Variants in DENND3 observed in about 807,000 individuals in gnomAD.
The protein encoded by DENND3 is DENN domain-containing protein 3.
A neutral mutation model predicts 135.1 loss-of-function variants in DENND3; 88 were observed. That is an observed-to-expected ratio of 0.65 (90% confidence interval 0.55 to 0.78). The LOEUF is 0.78. Among genes scored for constraint, DENND3 ranks in the 30% least tolerant of loss-of-function variants. DENND3 has a pLI of 0.00. For synonymous variants in DENND3, 693 were observed against 712.3 expected, an observed-to-expected ratio of 0.97 and a Z score of 0.43; for missense variants, 1,392 against 1,688.4, an observed-to-expected ratio of 0.82 and a Z score of 3.08.
At chr8:141,134,606 T>TA (rs1344012561) in intron 1 of DENND3, among the ~76,000 whole-genome samples, 1 of 152,222 alleles carries the variant, frequency 6.6e-6, no homozygotes, top group Non-Finnish European at 1.5e-5. Context: ...TTCCTACTGA[T>TA]ACATTTTTTT....
chr8:141,185,010 T>A (rs1823710930), intron 17 of DENND3, 129 bp from the exon 18 acceptor site: 2 of 1,227,638 alleles, frequency 1.6e-6, no homozygotes, highest in African/African-American at 3.0e-5. Context: ...CACGTCTTTG[T>A]ACGTACAGCA....
Position 141,136,542 on chromosome 8 carries a change from G to A in DENND3, c.136G>A (p.Ala46Thr), listed in dbSNP as rs987112790. The change falls in exon 2 of 23, where the codon GCT becomes ACT. Residue 46 changes from alanine (A) to threonine (T), a missense_variant. Ala to Thr is a moderately conservative substitution (Grantham distance 58). Coordinates refer to ENST00000519811, the MANE Select transcript of DENND3 (RefSeq NM_001352890.3). ...TAAAAAGGGAGTCAAACATCTTTCT[G>A]CTCTTCTTGATCCAGAGGTCCTGTC... ...AYKKGVKHLS[A>T]LLDPEVLSIF... is the part of the protein sequence containing the mutation. 6.4e-7 allele frequency: 1 copy of A among 1,552,602 alleles called. No individual in the cohort carries two copies.
intron 1 of DENND3, among the ~76,000 whole-genome samples, chr8:141,132,421 C>T (rs955849254): frequency 2.6e-5 from 4 of 151,912 alleles, no homozygotes; most frequent in Non-Finnish European, 4.4e-5. Context: ...ACAATGGTGC[C>T]ATCTCGGCTC....
intron 17 of DENND3, among the ~76,000 whole-genome samples, chr8:141,181,940 G>A (rs1221008828): frequency 2.6e-5 from 4 of 151,860 alleles, no homozygotes; most frequent in African/African-American, 4.8e-5. Flanking sequence ...ATCCAGGCAC[G>A]TGCCACCGAA....
At chr8:141,185,544 A>T (rs549827672) in intron 18 of DENND3, 1 of 382,212 alleles carries the variant, frequency 2.6e-6, no homozygotes, top group Admixed American at 3.8e-5. Context: ...CCATCTAAAA[A>T]TAGATTGCAG....
At position 141,141,500 on chromosome 8, in the gene DENND3, A is replaced by G; in HGVS notation, c.623+176A>G. 2 of 650,808 alleles carry G rather than the reference A, an allele frequency of 3.1e-6. No homozygotes were observed. Among genetic ancestry groups the G allele is most frequent in the South Asian group, 1.9e-5 (1 of 51,282 alleles). The allele number at this position is 650,808 out of a possible 1,614,324, so 40.3% of individuals were successfully genotyped here. ...GGAGGGGCAGTTCTCTGTGCCTCTT[A>G]GGCTGTTGCTTAAGGCTGGGGGCAG... On this transcript the variant is annotated intron_variant, in intron 4 of 22. Transcript: ENST00000519811. This position sits in a 1 kb window ranked among gnomAD's most constrained non-coding sequence, Gnocchi z 5.3.
chr8:141,190,256 G>GGT lies in DENND3; in HGVS notation c.3246-15_3246-14dup, dbSNP rs144171689. On this transcript the variant is annotated intron_variant, in intron 19 of 22. Coordinates refer to ENST00000519811, the MANE Select transcript of DENND3 (RefSeq NM_001352890.3). ...AGTGTTTTCAGGGGCCCAAGTTAAA[G>GGT]GTGTGTGTGTGTGTTTTGTGCCCCC... The GGT allele has an allele frequency of 2.3e-4, 355 of 1,541,258 alleles. 2 individuals carry two copies. In the Admixed American group the frequency reaches 5.4e-3, roughly 23 times the overall value.
intron 8 of DENND3, among the ~76,000 whole-genome samples, chr8:141,159,656 T>C (rs979263694): frequency 5.3e-5 from 8 of 152,258 alleles, no homozygotes; most frequent in African/African-American, 1.9e-4. Flanking sequence ...GATCAGTGTA[T>C]GGCATACAGT....
chr8:141,166,733 C>A lies in DENND3; in HGVS notation c.1753+344C>A, dbSNP rs901094541. ...CACACGTGTGATAGGAGGCAGGGAG[C>A]GCACCAGGCACTTTCTAGAGCCGGA... On this transcript the variant is annotated intron_variant, in intron 12 of 22. Transcript: ENST00000519811. This position sits in a 1 kb window ranked among gnomAD's most constrained non-coding sequence, Gnocchi z 4.3. Among the ~76,000 whole-genome samples the A allele has an allele frequency of 2.0e-5, 3 of 152,116 alleles. No homozygotes were observed. The highest frequency in any genetic ancestry group is 4.8e-5 in the African/African-American group (2 of 41,410).
At chr8:141,143,275 ATT>A (rs922067683) in intron 4 of DENND3, among the ~76,000 whole-genome samples, 3 of 151,866 alleles carry the variant, frequency 2.0e-5, no homozygotes, top group Non-Finnish European at 4.4e-5. Flanking sequence ...TTTTTTTTAA[ATT>A]TTTTTTTATT....
rs1819134334 is a variant in DENND3, at chr8:141,154,004, C to G, written c.1075-1845C>G. Among the ~76,000 whole-genome samples the G allele has an allele frequency of 6.6e-6, 1 of 152,182 alleles. No homozygotes were observed. Among genetic ancestry groups the G allele is most frequent in the African/African-American group, 2.4e-5 (1 of 41,440 alleles). On this transcript the variant is annotated intron_variant, in intron 7 of 22. Transcript: ENST00000519811. This position sits in a 1 kb window ranked among gnomAD's most constrained non-coding sequence, Gnocchi z 4.4. ...CTGCAGGAAGGAGCTGGCAGTGACC[C>G]TATGCGCCTCCACCAAACACTTGTG...
In DENND3 at chr8:141,141,168, G is replaced by A. The variant is rs1817406502; in HGVS notation, c.502-35G>A. On this transcript the variant is annotated intron_variant, in intron 3 of 22. Transcript: ENST00000519811. The surrounding 1 kb of genome is among the most constrained non-coding windows in gnomAD (Gnocchi z 5.3). The stretch of plus-strand genomic sequence containing the variant: ...AACAGATACTGGAATTGCCAAGGTG[G>A]GGAGGTGACCATGTCGCTGTTGCTT... The A allele has an allele frequency of 6.2e-7, 1 of 1,613,968 alleles. No individual in the cohort carries two copies.
rs867037720 is a variant in DENND3, at chr8:141,183,756, T to A, written c.2945-1383T>A. Among the ~76,000 whole-genome samples the A allele has an allele frequency of 9.5e-4, 133 of 140,310 alleles. 1 individual carries two copies. Among genetic ancestry groups the A allele is most frequent in the African/African-American group, 3.2e-3 (115 of 36,442 alleles). The allele number at this position is 140,310 out of a possible 152,430, so 92.0% of individuals were successfully genotyped here. On this transcript the variant is annotated intron_variant, in intron 17 of 22. Coordinates refer to ENST00000519811, the MANE Select transcript of DENND3 (RefSeq NM_001352890.3). ...GTTTTGTTTTTTTTTTTTTTTAATT[T>A]AAAAAAAAAAAGAAAAGTTTATGCT...
At position 141,192,430 on chromosome 8, in the gene DENND3, C is replaced by T. The variant is rs762013692; in HGVS notation, c.3479C>T (p.Ala1160Val). 5 of 1,614,106 alleles carry T rather than the reference C, an allele frequency of 3.1e-6. No homozygotes were observed. The highest frequency in any genetic ancestry group is 1.6e-4 in the Middle Eastern group (1 of 6,084). ...AAAGACACCAGTACCTCCTTCCTGGCCTTCCAGCTCCTTCCTGAGGTATCC... is the reference window on the plus strand; with the variant it reads ...AAAGACACCAGTACCTCCTTCCTGGTCTTCCAGCTCCTTCCTGAGGTATCC... ...NFKDTSTSFL[A>V]FQLLPEEEQL... Residue 1160 changes from alanine to valine, a missense_variant, in exon 21 of 23, where the codon GCC (alanine) becomes GTC (valine). Transcript: ENST00000519811.
At chr8:141,142,196 C>A in intron 4 of DENND3, 2 of 342,008 alleles carry the variant, frequency 5.8e-6, no homozygotes, top group South Asian at 4.3e-5. Context: ...GGGCTGTAGC[C>A]CAAGTTCAGA....
chr8:141,157,493 C>T (rs1011237157), intron 8 of DENND3: 4 of 985,526 alleles, frequency 4.1e-6, no homozygotes, highest in South Asian at 4.7e-5. Context: ...GTGGAGGTGA[C>T]GCTGGAGGGA....
chr8:141,194,278 A>G lies in DENND3; in HGVS notation c.*45A>G. 6.3e-7 allele frequency: 1 copy of G among 1,588,534 alleles called. No individual in the cohort carries two copies. Among genetic ancestry groups the G allele is most frequent in the Non-Finnish European group, 8.6e-7 (1 of 1,167,750 alleles). On this transcript the variant is annotated 3_prime_UTR_variant, in exon 23 of 23. Transcript: ENST00000519811. Reference sequence around the variant, plus strand: ...GTGGAACTGTGCCCTATGTGTGGGGACTGGCTGCCCCCTAGAGCCTGCCAG... The same window carrying G: ...GTGGAACTGTGCCCTATGTGTGGGGGCTGGCTGCCCCCTAGAGCCTGCCAG...
Position 141,144,388 on chromosome 8 carries a change from C to A in DENND3, c.735+129C>A. 3 of 889,876 alleles carry A rather than the reference C, an allele frequency of 3.4e-6. No individual in the cohort carries two copies. Among genetic ancestry groups the A allele is most frequent in the East Asian group, 3.0e-5 (1 of 33,034 alleles). The allele number at this position is 889,876 out of a possible 1,614,324, so 55.1% of individuals were successfully genotyped here. A position where few individuals can be genotyped will look rare whatever the true frequency, so the allele number is the denominator to read the frequency against. ...TGTAAACCTAAAATAACATCCTAAC[C>A]CCCCCGCCTCCCCACAGCTGACTGA... On this transcript the variant is annotated intron_variant, in intron 5 of 22. Transcript: ENST00000519811. The surrounding 1 kb of genome is among the most constrained non-coding windows in gnomAD (Gnocchi z 4.4).
chr8:141,190,398 C>A lies in DENND3; in HGVS notation c.3360C>A (p.His1120Gln). The A allele has an allele frequency of 6.2e-7, 1 of 1,609,786 alleles. No homozygotes were observed. The highest frequency in any genetic ancestry group is 8.5e-7 in the Non-Finnish European group (1 of 1,179,020). Residue 1120 changes from histidine to glutamine, a missense_variant, in exon 20 of 23, where the codon CAC becomes CAA. By Grantham distance (24) the His-to-Gln change is conservative (BLOSUM62 0). Transcript: ENST00000519811. ...GTGGCCTGACGTCCATCAGACTGCA[C>A]GGCGGCCGCCTGTGGTGCTGTAAGT... ...PRGGLTSIRL[H>Q]GGRLWCCTGN...
Sources: allele counts gnomAD v4.1 joint callset (sites outside exome capture counted in the v4.1 genomes callset), GRCh38; gene constraint gnomAD v4.1.1; non-coding constraint Gnocchi (gnomAD v3.1); transcripts MANE v1.5; gene names NCBI Gene and HGNC (gene_info 2026-07-23, HGNC 2026-07-21).